The following UMOD variants were observed in gnomAD, a reference collection of about 807,000 sequenced individuals.
The protein encoded by UMOD is Tamm-Horsfall urinary glycoprotein.
In UMOD, 64 loss-of-function variants were observed where a neutral mutation model predicts 66.0. The ratio of observed to expected loss-of-function variants is 0.97; its 90% CI spans 0.79 to 1.19. The LOEUF (loss-of-function observed/expected upper bound fraction) is 1.19. Among genes scored for constraint, UMOD ranks in the 50% most tolerant of loss-of-function variants. The pLI is 0.00. For synonymous variants in UMOD, 398 were observed against 352.7 expected, an observed-to-expected ratio of 1.13 and a Z score of -1.44; for missense variants, 764 against 850.9, an observed-to-expected ratio of 0.90 and a Z score of 1.27.
intron 2 of UMOD, chr16:20,350,018 C>A (rs1331418107): frequency 1.5e-5 from 12 of 813,108 alleles, no homozygotes; most frequent in Non-Finnish European, 2.0e-5. Context: ...TTTATGTATC[C>A]TTATTTTAAA....
At chr16:20,355,925 AAT>A, upstream of UMOD, among the ~76,000 whole-genome samples, 1 of 152,186 alleles carries the variant, frequency 6.6e-6, no homozygotes, top group Non-Finnish European at 1.5e-5. Context: ...GCGAGTGTTA[AAT>A]CCAGACTAAA....
chr16:20,342,815 G>C (rs1346560176), intron 6 of UMOD, among the ~76,000 whole-genome samples: 1 of 152,210 alleles, frequency 6.6e-6, no homozygotes, highest in Non-Finnish European at 1.5e-5. Context: ...TAATGCCTGA[G>C]ATATAGTAAG....
chr16:20,348,635 G>A lies in UMOD; in HGVS notation c.666C>T (p.Arg222=), dbSNP rs1302417765. 2 of 1,577,038 alleles carry A rather than the reference G, an allele frequency of 1.3e-6. No homozygotes were observed. Among genetic ancestry groups the A allele is most frequent in the East Asian group, 4.6e-5 (2 of 43,206 alleles). ...GCCACATGGGGGCGGCCGTGTTGCA[G>A]CGCAGGACTGGCACGCAGGTCTCGG... ...RMAETCVPVL[R]CNTAAPMWLN... Residue 222 remains arginine (R), a synonymous_variant, in exon 3 of 11, where the codon CGC becomes CGT. Coordinates refer to ENST00000396138, the MANE Select transcript of UMOD (RefSeq NM_003361.4).
chr16:20,350,815 C>T lies in UMOD; in HGVS notation c.-78G>A. 1 of 1,593,474 alleles carries T rather than the reference C, an allele frequency of 6.3e-7. No homozygotes were observed. Among genetic ancestry groups the T allele is most frequent in the Non-Finnish European group, 8.5e-7 (1 of 1,169,962 alleles). ...AGACGGGTTGGCCCTTTGAATTTTT[C>T]TCTCTGTCTCTGATGTCTGGTGTCC... On this transcript the variant is annotated 5_prime_UTR_variant, in exon 2 of 11. Coordinates refer to ENST00000396138, the MANE Select transcript of UMOD (RefSeq NM_003361.4).
intron 5 of UMOD, among the ~76,000 whole-genome samples, chr16:20,344,759 C>A (rs972073608): frequency 6.6e-6 from 1 of 152,160 alleles, no homozygotes; most frequent in Non-Finnish European, 1.5e-5. Flanking sequence ...GAGTGGAATA[C>A]CCCTCCTGAG....
chr16:20,338,789 C>T (rs1965021216), intron 7 of UMOD, among the ~76,000 whole-genome samples: 1 of 151,160 alleles, frequency 6.6e-6, no homozygotes, highest in Non-Finnish European at 1.5e-5. Flanking sequence ...GGTAGAGTTT[C>T]ACTCTTGTTG....
chr16:20,352,630 T>G, intron 1 of UMOD, 59 bp downstream of exon 1: 1 of 1,208,746 alleles, frequency 8.3e-7, no homozygotes, highest in Non-Finnish European at 1.0e-6. Context: ...CTCTCCTACC[T>G]CCCTCAAATA....
At chr16:20,354,306 G>T (rs371678205), upstream of UMOD, among the ~76,000 whole-genome samples, 73 of 152,112 alleles carry the variant, frequency 4.8e-4, 2 homozygotes, top group South Asian at 0.014. Context: ...GGAAATTCTG[G>T]GTCAAAGAGG....
Position 20,352,433 on chromosome 16 carries a change from T to G in UMOD, c.-103+256A>C, listed in dbSNP as rs534418096. 3 of 362,406 alleles carry G rather than the reference T, an allele frequency of 8.3e-6. No homozygotes were observed. In the East Asian group the frequency reaches 1.2e-4, roughly 15 times the overall value. The allele number at this position is 362,406 out of a possible 1,614,324, so 22.4% of individuals were successfully genotyped here. A position where few individuals can be genotyped will look rare whatever the true frequency, so the allele number is the denominator to read the frequency against. On this transcript the variant is annotated intron_variant, in intron 1 of 10. Coordinates refer to ENST00000396138, the MANE Select transcript of UMOD (RefSeq NM_003361.4). ...AGCAAGTTGTTCATTGTTGTAACCC[T>G]GGTACCTGGCACATAATAGGTGCAT...
At chr16:20,351,165 C>T (rs531686587) in intron 1 of UMOD, 1 of 253,968 alleles carries the variant, frequency 3.9e-6, no homozygotes, top group South Asian at 5.5e-5. Context: ...TTTAACTGAT[C>T]CTCTGCCTGG....
chr16:20,343,896 A>C lies in UMOD; in HGVS notation c.1331+128T>G, dbSNP rs925191019. ...GGGCTCCAGAATTCCTGGCTCTTCCATTGGGCAACCCTGATTCCCAGCCCT... is the reference window on the plus strand; with the variant it reads ...GGGCTCCAGAATTCCTGGCTCTTCCCTTGGGCAACCCTGATTCCCAGCCCT... On this transcript the variant is annotated intron_variant, in intron 6 of 10. Transcript: ENST00000396138. The C allele has an allele frequency of 3.4e-6, 4 of 1,165,524 alleles. No individual in the cohort carries two copies. The Middle Eastern group carries it at 8.6e-4, about 250-fold the overall frequency. The allele number at this position is 1,165,524 out of a possible 1,614,324, so 72.2% of individuals were successfully genotyped here.
At chr16:20,337,172 A>T in intron 8 of UMOD, 119 bp downstream of exon 8, 1 of 1,374,830 alleles carries the variant, frequency 7.3e-7, no homozygotes. Context: ...ACCTCATCTT[A>T]TTGCTCATTC....
Position 20,336,761 on chromosome 16 carries a change from A to G in UMOD, c.1741-34T>C, listed in dbSNP as rs370154860. On this transcript the variant is annotated intron_variant, in intron 8 of 10. Transcript: ENST00000396138. The stretch of plus-strand genomic sequence containing the variant: ...AGAGGGCAATAGAAAAACACCCTCC[A>G]TGAAGGAGCCTGAATGTGGTTCTGC... The G allele has an allele frequency of 1.0e-5, 16 of 1,593,452 alleles. No homozygotes were observed. The South Asian group carries it at 1.4e-4, about 14-fold the overall frequency.
At chr16:20,346,469 C>T in intron 4 of UMOD, 135 bp from the exon 5 acceptor site, 1 of 842,664 alleles carries the variant, frequency 1.2e-6, no homozygotes, top group Admixed American at 2.0e-5. Flanking sequence ...TGATCTGTCC[C>T]CTCCCAATGT....
chr16:20,349,740 T>C (rs1965799061), intron 2 of UMOD: 3 of 1,539,670 alleles, frequency 1.9e-6, no homozygotes, highest in Admixed American at 4.1e-5. Flanking sequence ...CTGTTGCCCC[T>C]CCCTTTCTTT....
At chr16:20,336,797 G>A (rs529368111) in intron 8 of UMOD, 70 bp from the exon 9 acceptor site, 1 of 1,423,176 alleles carries the variant, frequency 7.0e-7, no homozygotes, top group African/African-American at 1.4e-5. Flanking sequence ...CACGTGGAGT[G>A]GACTGCCCAC....
intron 7 of UMOD, among the ~76,000 whole-genome samples, chr16:20,340,858 C>G (rs1392131467): frequency 6.6e-6 from 1 of 151,892 alleles, no homozygotes; most frequent in Non-Finnish European, 1.5e-5. Flanking sequence ...GCCAGGCCTG[C>G]TGGCCTCTGC....
intron 9 of UMOD, 38 bp downstream of exon 9, chr16:20,336,608 C>G: frequency 6.3e-7 from 1 of 1,598,088 alleles, no homozygotes; most frequent in Non-Finnish European, 8.6e-7. Flanking sequence ...AGAAATCTTT[C>G]CCAGCCAGGA....
rs746190950 is a variant in UMOD, at chr16:20,344,166, C to A, written c.1189G>T (p.Glu397Ter). The A allele has an allele frequency of 2.1e-6, 3 of 1,403,874 alleles. No homozygotes were observed. Among genetic ancestry groups the A allele is most frequent in the African/African-American group, 1.5e-5 (1 of 68,700 alleles). The allele number at this position is 1,403,874 out of a possible 1,614,324, so 87.0% of individuals were successfully genotyped here. Reference sequence around the variant, plus strand: ...GTGTTGCTGTAAGTGGCATGGGTTTCATTCCTCTGTTGCAGGGAATGGGGG... The same window carrying A: ...GTGTTGCTGTAAGTGGCATGGGTTTAATTCCTCTGTTGCAGGGAATGGGGG... ...GPCGTVLTRNETHATYSNTLY... is the reference protein window; with the variant it reads ...GPCGTVLTRN Residue 397 changes from glutamate to a stop codon, truncating the protein, a stop_gained, in exon 6 of 11, where the codon GAA (glutamate) becomes TAA (stop). Coordinates refer to ENST00000396138, the MANE Select transcript of UMOD (RefSeq NM_003361.4). LOFTEE classifies it high-confidence loss of function.
Sources: allele counts gnomAD v4.1 joint callset (sites outside exome capture counted in the v4.1 genomes callset), GRCh38; gene constraint gnomAD v4.1.1; transcripts MANE v1.5; gene names NCBI Gene and HGNC (gene_info 2026-07-23, HGNC 2026-07-21).